Variants in UNC13C observed in about 807,000 individuals in gnomAD.
UNC13C encodes the protein protein unc-13 homolog C.
Under a neutral mutation model 245.4 loss-of-function variants are expected in UNC13C, and 174 were observed. The observed-to-expected ratio is 0.71, with a 90% confidence interval of 0.63 to 0.80. The LOEUF is 0.80. UNC13C is among the 30% of genes least tolerant of loss of function. The pLI is 0.00. For synonymous variants in UNC13C, 992 were observed against 895.1 expected (o/e 1.11, Z -1.93); for missense variants, 2,829 against 2,602.9 (o/e 1.09, Z -1.89).
intron 32 of UNC13C, among the ~76,000 whole-genome samples, chr15:54,626,083 A>ACATT (rs1392071094): frequency 3.9e-5 from 6 of 152,214 alleles, no homozygotes; most frequent in African/African-American, 1.4e-4. Flanking sequence ...GGCTAGATGT[A>ACATT]CATTCATTAG....
chr15:54,373,860 A>C (rs2039548191), intron 17 of UNC13C, among the ~76,000 whole-genome samples: 1 of 152,142 alleles, frequency 6.6e-6, no homozygotes, highest in Non-Finnish European at 1.5e-5. Flanking sequence ...TACACCGACA[A>C]CTAAAGGGTG....
chr15:54,579,555 G>A (rs1318916190), intron 30 of UNC13C, among the ~76,000 whole-genome samples: 5 of 151,916 alleles, frequency 3.3e-5, no homozygotes, highest in Non-Finnish European at 2.9e-5. Context: ...TCAGGAGATC[G>A]AGACCTTCCA....
chr15:54,236,081 A>G (rs1301244436), intron 5 of UNC13C, among the ~76,000 whole-genome samples: 1 of 151,806 alleles, frequency 6.6e-6, no homozygotes, highest in Non-Finnish European at 1.5e-5. Context: ...TTCACATTTT[A>G]TGGGCATATT....
the UNC13C span, among the ~76,000 whole-genome samples, chr15:53,896,201 C>T: frequency 1.3e-5 from 2 of 151,984 alleles, no homozygotes; most frequent in African/African-American, 4.8e-5. Context: ...AAGTGTGTAA[C>T]TATCACTGTT....
At position 54,293,945 on chromosome 15, in the gene UNC13C, A is replaced by G; in HGVS notation, c.3869A>G (p.Asp1290Gly). 1 of 1,589,674 alleles carries G rather than the reference A, an allele frequency of 6.3e-7. No homozygotes were observed. The highest frequency in any genetic ancestry group is 8.5e-7 in the Non-Finnish European group (1 of 1,169,974). The change falls in exon 11 of 33, where the codon GAT (aspartate) becomes GGT (glycine). Residue 1290 changes from aspartate (D) to glycine (G), a missense_variant. Coordinates refer to ENST00000260323, the MANE Select transcript of UNC13C (RefSeq NM_001080534.3). ...DRIKVRVWDE[D>G]DDIKSRVKQH... Reference sequence around the variant, plus strand: ...ATCAAAGTCAGAGTATGGGATGAAGATGATGATATTAAATCCAGAGTCAAG... The same window carrying G: ...ATCAAAGTCAGAGTATGGGATGAAGGTGATGATATTAAATCCAGAGTCAAG...
chr15:54,296,253 G>T (rs2037427276), intron 11 of UNC13C, among the ~76,000 whole-genome samples: 1 of 151,980 alleles, frequency 6.6e-6, no homozygotes, highest in East Asian at 1.9e-4. Context: ...CAGGCTGGAG[G>T]GCAGTGTCGC....
At chr15:54,457,831 C>A (rs989458990) in intron 19 of UNC13C, among the ~76,000 whole-genome samples, 5 of 145,210 alleles carry the variant, frequency 3.4e-5, no homozygotes, top group Admixed American at 2.7e-4. Context: ...AACCAGGTTT[C>A]TGTTTCATTT....
intron 2 of UNC13C, among the ~76,000 whole-genome samples, chr15:54,041,272 T>A (rs1896796236): frequency 6.6e-6 from 1 of 152,212 alleles, no homozygotes; most frequent in Admixed American, 6.5e-5. Context: ...TAATTGGTAG[T>A]CAAATATTTC....
At chr15:54,599,956 T>C (rs1477789347) in intron 30 of UNC13C, among the ~76,000 whole-genome samples, 4 of 152,196 alleles carry the variant, frequency 2.6e-5, no homozygotes, top group Non-Finnish European at 4.4e-5. Flanking sequence ...ATTGGAAAGA[T>C]TAACTTCTTC....
the UNC13C span, among the ~76,000 whole-genome samples, chr15:53,941,748 G>A: frequency 6.6e-6 from 1 of 152,072 alleles, no homozygotes; most frequent in Non-Finnish European, 1.5e-5. Context: ...AGTAGGCAAA[G>A]GATATGAACA....
At chr15:54,575,060 G>A (rs997630235) in intron 30 of UNC13C, among the ~76,000 whole-genome samples, 1 of 152,068 alleles carries the variant, frequency 6.6e-6, no homozygotes, top group African/African-American at 2.4e-5. Flanking sequence ...TTTTGAGATG[G>A]AGTCTGTCTC....
chr15:54,415,787 T>C (rs1049556676), intron 19 of UNC13C, among the ~76,000 whole-genome samples: 1 of 152,132 alleles, frequency 6.6e-6, no homozygotes, highest in Non-Finnish European at 1.5e-5. Flanking sequence ...CTCATCAAGA[T>C]TGCAGAGGAG....
chr15:54,602,934 C>T (rs962917839), intron 30 of UNC13C, among the ~76,000 whole-genome samples: 1 of 11,756 alleles, frequency 8.5e-5, no homozygotes, highest in Non-Finnish European at 1.4e-4. Context: ...GCCTCTGTGT[C>T]TGGAGACTGG....
chr15:54,043,727 C>G (rs1280659561), intron 2 of UNC13C, among the ~76,000 whole-genome samples: 3 of 152,086 alleles, frequency 2.0e-5, no homozygotes. Context: ...ATGTTTTGTC[C>G]CTCAGTGGGG....
the UNC13C span, among the ~76,000 whole-genome samples, chr15:53,847,965 A>G: frequency 6.6e-6 from 1 of 152,186 alleles, no homozygotes; most frequent in Non-Finnish European, 1.5e-5. Context: ...GAGGATGGGC[A>G]CATGACATTT....
intron 2 of UNC13C, among the ~76,000 whole-genome samples, chr15:54,045,440 T>C (rs1295984563): frequency 6.6e-6 from 1 of 152,182 alleles, no homozygotes; most frequent in East Asian, 1.9e-4. Flanking sequence ...ATACAATTGC[T>C]CTCTTCAGTA....
intron 2 of UNC13C, among the ~76,000 whole-genome samples, chr15:54,080,231 G>A (rs1320396899): frequency 2.6e-5 from 4 of 151,778 alleles, no homozygotes; most frequent in Admixed American, 2.6e-4. Context: ...CTAGTATTTT[G>A]TTGAAGATTT....
chr15:54,056,982 A>G (rs1224258153), intron 2 of UNC13C, among the ~76,000 whole-genome samples: 2 of 152,182 alleles, frequency 1.3e-5, no homozygotes, highest in African/African-American at 2.4e-5. Flanking sequence ...GAAAGGAACA[A>G]CTGGTACCAG....
At chr15:54,193,623 T>C (rs1332287274) in intron 4 of UNC13C, among the ~76,000 whole-genome samples, 1 of 152,162 alleles carries the variant, frequency 6.6e-6, no homozygotes, top group South Asian at 2.1e-4. Context: ...CATTCTGTTT[T>C]ACTCTTTTCA....
Sources: allele counts gnomAD v4.1 joint callset (sites outside exome capture counted in the v4.1 genomes callset), GRCh38; gene constraint gnomAD v4.1.1; transcripts MANE v1.5; gene names NCBI Gene and HGNC (gene_info 2026-07-23, HGNC 2026-07-21).